Variants in MECOM observed in about 807,000 individuals in gnomAD.
MECOM encodes histone-lysine N-methyltransferase MECOM.
MECOM carries 13 observed loss-of-function variants against 116.3 expected under a neutral mutation model. The observed-to-expected ratio is 0.11, with a 90% CI of 0.07 to 0.18. The LOEUF (loss-of-function observed/expected upper bound fraction) is 0.18, where lower values mean the gene tolerates loss of function less well. Ranked by LOEUF, MECOM falls within the 10% of genes least tolerant of loss-of-function variation. MECOM has a pLI of 1.00. For synonymous variants in MECOM, 528 were observed against 535.2 expected (o/e 0.99, Z 0.19); for missense variants, 1,299 against 1,509.0 (o/e 0.86, Z 2.31).
intron 1 of MECOM, chr3:169,477,124 T>C (rs1265917570): frequency 1.2e-5 from 1 of 84,880 alleles, no homozygotes; most frequent in Non-Finnish European, 2.3e-5. Context: ...TATATATATA[T>C]ATATATATAT....
At chr3:169,504,743 G>T (rs778742139) in intron 1 of MECOM, among the ~76,000 whole-genome samples, 1 of 152,030 alleles carries the variant, frequency 6.6e-6, no homozygotes, top group Non-Finnish European at 1.5e-5. Flanking sequence ...GCCTCTTCAG[G>T]GTGGGATGTG....
intron 1 of MECOM, 29 bp downstream of exon 1, chr3:169,663,307 A>T (rs1439125510): frequency 6.3e-7 from 1 of 1,599,050 alleles, no homozygotes; most frequent in Non-Finnish European, 8.5e-7. Context: ...GAGGGGGAAA[A>T]GCCAATAGAA....
intron 1 of MECOM, among the ~76,000 whole-genome samples, chr3:169,601,619 G>A (rs186038216): frequency 7.3e-4 from 111 of 152,300 alleles, no homozygotes; most frequent in Non-Finnish European, 1.2e-3. Flanking sequence ...GAGGAAAAAG[G>A]TGTTCTCTCT....
chr3:169,644,417 T>C (rs921025440), intron 1 of MECOM, among the ~76,000 whole-genome samples: 1 of 152,118 alleles, frequency 6.6e-6, no homozygotes, highest in Admixed American at 6.5e-5. Context: ...ACACCACGCC[T>C]GGCTAATTTT....
At chr3:169,584,057 A>G (rs988928906) in intron 1 of MECOM, among the ~76,000 whole-genome samples, 3 of 152,180 alleles carry the variant, frequency 2.0e-5, no homozygotes, top group South Asian at 2.1e-4. Flanking sequence ...CATTTACTCT[A>G]TGAATTCCTG....
intron 2 of MECOM, among the ~76,000 whole-genome samples, chr3:169,265,555 A>G (rs1015735625): frequency 5.3e-5 from 8 of 152,250 alleles, no homozygotes; most frequent in African/African-American, 1.9e-4. Flanking sequence ...TAGTGTCATC[A>G]TAAGGTTCTT....
intron 1 of MECOM, among the ~76,000 whole-genome samples, chr3:169,505,635 T>C (rs1427864277): frequency 6.6e-6 from 1 of 152,216 alleles, no homozygotes; most frequent in Non-Finnish European, 1.5e-5. Flanking sequence ...TGCAATACAA[T>C]ATTGCTAACT....
intron 1 of MECOM, among the ~76,000 whole-genome samples, chr3:169,649,324 G>A (rs1040590625): frequency 2.9e-5 from 4 of 139,930 alleles, no homozygotes; most frequent in South Asian, 2.3e-4. Flanking sequence ...CAAGAGAATC[G>A]CTTGAACCCA....
chr3:169,438,128 AT>A (rs928382415), intron 1 of MECOM, among the ~76,000 whole-genome samples: 1 of 152,236 alleles, frequency 6.6e-6, no homozygotes, highest in Non-Finnish European at 1.5e-5. Flanking sequence ...AACAGCCATA[AT>A]TCAAACCCTG....
chr3:169,134,656 T>C (rs1444255766), intron 3 of MECOM, among the ~76,000 whole-genome samples: 1 of 152,172 alleles, frequency 6.6e-6, no homozygotes, highest in Non-Finnish European at 1.5e-5. Flanking sequence ...CTGATCTTCA[T>C]TACCTCTCAT....
At chr3:169,264,216 C>A (rs1452594662) in intron 2 of MECOM, among the ~76,000 whole-genome samples, 1 of 152,106 alleles carries the variant, frequency 6.6e-6, no homozygotes, top group Non-Finnish European at 1.5e-5. Context: ...CTGCTACTTT[C>A]TTTTCCATAA....
intron 6 of MECOM, 26 bp downstream of exon 6, chr3:169,122,554 C>A: frequency 1.2e-6 from 2 of 1,613,434 alleles, no homozygotes; most frequent in Non-Finnish European, 1.7e-6. Flanking sequence ...CATAGAGAGG[C>A]CAAGTAGCCT....
intron 2 of MECOM, among the ~76,000 whole-genome samples, chr3:169,173,519 G>T (rs550090866): frequency 6.6e-6 from 1 of 152,276 alleles, no homozygotes; most frequent in South Asian, 2.1e-4. Context: ...AAAACATTTT[G>T]TGTTCACTCT....
At chr3:169,578,548 T>C (rs1764764766) in intron 1 of MECOM, among the ~76,000 whole-genome samples, 1 of 152,226 alleles carries the variant, frequency 6.6e-6, no homozygotes, top group Non-Finnish European at 1.5e-5. Context: ...AAATTATCCT[T>C]ATCCAGTAAA....
chr3:169,255,655 C>T (rs1388296866), intron 2 of MECOM, among the ~76,000 whole-genome samples: 3 of 152,176 alleles, frequency 2.0e-5, no homozygotes, highest in Non-Finnish European at 4.4e-5. Flanking sequence ...AAGTTCCTTA[C>T]AATCATCAAG....
intron 12 of MECOM, among the ~76,000 whole-genome samples, 188 bp downstream of exon 12, chr3:169,100,697 A>C (rs1283424807): frequency 6.6e-6 from 1 of 152,124 alleles, no homozygotes; most frequent in African/African-American, 2.4e-5. Flanking sequence ...AAGAAACTGG[A>C]ACTCTTCTAA....
intron 2 of MECOM, among the ~76,000 whole-genome samples, chr3:169,261,593 C>A (rs990593078): frequency 2.0e-5 from 3 of 151,996 alleles, no homozygotes; most frequent in African/African-American, 7.3e-5. Context: ...CCCAGCTACT[C>A]GGGAGGCTGA....
Position 169,084,147 on chromosome 3 carries a change from TA to T in MECOM, c.*761del, listed in dbSNP as rs1716962346. ...GATACACGCAACACACACAAAAAAATAAACATTAAAAACAGTGACATGATTG... is the reference window on the plus strand; with the variant it reads ...GATACACGCAACACACACAAAAAAATAACATTAAAAACAGTGACATGATTG... On this transcript the variant is annotated 3_prime_UTR_variant, in exon 17 of 17. Transcript: ENST00000651503. 4.3e-6 allele frequency: 1 copy of T among 231,810 alleles called. No homozygotes were observed. Among genetic ancestry groups the T allele is most frequent in the African/African-American group, 2.2e-5 (1 of 45,268 alleles). The allele number at this position is 231,810 out of a possible 1,614,324, so 14.4% of individuals were successfully genotyped here.
At chr3:169,203,435 A>G (rs1170344179) in intron 2 of MECOM, among the ~76,000 whole-genome samples, 1 of 152,126 alleles carries the variant, frequency 6.6e-6, no homozygotes, top group East Asian at 1.9e-4. Context: ...TACTTTCACC[A>G]TTTAAAAAAT....
Sources: allele counts gnomAD v4.1 joint callset (sites outside exome capture counted in the v4.1 genomes callset), GRCh38; gene constraint gnomAD v4.1.1; transcripts MANE v1.5; gene names NCBI Gene and HGNC (gene_info 2026-07-23, HGNC 2026-07-21).